CAST: variants seen among roughly 807,000 people sequenced by gnomAD.
CAST encodes the protein MIR583 host.
A neutral mutation model predicts 119.6 loss-of-function variants in CAST; 76 were observed. The ratio of observed to expected loss-of-function variants is 0.64; its 90% CI spans 0.53 to 0.77. The LOEUF (loss-of-function observed/expected upper bound fraction) is 0.77. Among genes scored for constraint, CAST ranks in the 30% least tolerant of loss-of-function variants. The probability of loss-of-function intolerance (pLI) is 0.00; values close to 1 mark genes in which losing one functional copy is unlikely to be tolerated. For synonymous variants in CAST, 319 were observed against 331.6 expected, an observed-to-expected ratio of 0.96 and a Z score of 0.41; for missense variants, 953 against 946.5, an observed-to-expected ratio of 1.01 and a Z score of -0.09.
the CAST span, among the ~76,000 whole-genome samples, chr5:96,361,623 T>C: frequency 6.6e-6 from 1 of 152,220 alleles, no homozygotes; most frequent in East Asian, 1.9e-4. Flanking sequence ...TGTGAGACGA[T>C]GCCCCACCCT....
the CAST span, among the ~76,000 whole-genome samples, chr5:96,185,908 G>A: frequency 1.3e-5 from 2 of 152,000 alleles, no homozygotes; most frequent in Non-Finnish European, 2.9e-5. Context: ...TAGTTTAAAG[G>A]GAATTGAATT....
At chr5:96,536,341 A>G (rs1042197966) in intron 1 of CAST, among the ~76,000 whole-genome samples, 1 of 152,198 alleles carries the variant, frequency 6.6e-6, no homozygotes, top group African/African-American at 2.4e-5. Flanking sequence ...CCTGGGCGAC[A>G]AGAGCAAAAC....
chr5:96,460,483 A>G, the CAST span, among the ~76,000 whole-genome samples: 2 of 152,018 alleles, frequency 1.3e-5, no homozygotes, highest in Non-Finnish European at 1.5e-5. Flanking sequence ...CACCATGCAC[A>G]TGTATACCTG....
At chr5:96,112,808 G>T in the CAST span, among the ~76,000 whole-genome samples, 2 of 152,188 alleles carry the variant, frequency 1.3e-5, no homozygotes, top group Admixed American at 6.5e-5. Context: ...AAAATCATGT[G>T]ACAACATAGT....
the CAST span, among the ~76,000 whole-genome samples, chr5:96,005,706 TA>T: frequency 1.3e-5 from 2 of 152,120 alleles, no homozygotes; most frequent in East Asian, 1.9e-4. Flanking sequence ...AAACGTGTGA[TA>T]GGGGAAACTG....
chr5:96,580,679 G>A (rs897447271), intron 1 of CAST, among the ~76,000 whole-genome samples: 5 of 152,166 alleles, frequency 3.3e-5, no homozygotes, highest in Admixed American at 1.3e-4. Context: ...TGCCTTATAC[G>A]GATCACTTCT....
chr5:96,073,081 AG>A, the CAST span, among the ~76,000 whole-genome samples: 4 of 152,364 alleles, frequency 2.6e-5, no homozygotes, highest in East Asian at 7.7e-4. Context: ...ACTTACCAAA[AG>A]TTTTTCATTT....
chr5:96,558,873 C>T (rs542959325), intron 1 of CAST, among the ~76,000 whole-genome samples: 1 of 152,208 alleles, frequency 6.6e-6, no homozygotes, highest in Non-Finnish European at 1.5e-5. Context: ...CAGCATCATC[C>T]TGATACCAAA....
the CAST span, among the ~76,000 whole-genome samples, chr5:96,254,639 T>C: frequency 1.3e-5 from 2 of 152,188 alleles, no homozygotes; most frequent in African/African-American, 4.8e-5. Context: ...TGGCTATGTA[T>C]GTACATTTTC....
At chr5:95,966,775 CCT>C in the CAST span, among the ~76,000 whole-genome samples, 1 of 152,014 alleles carries the variant, frequency 6.6e-6, no homozygotes, top group Non-Finnish European at 1.5e-5. Context: ...GCTTTTTTCC[CCT>C]CTCTCTATTC....
the CAST span, among the ~76,000 whole-genome samples, chr5:96,367,364 C>CTCAGATCTCAA: frequency 5.3e-4 from 80 of 150,750 alleles, no homozygotes; most frequent in Middle Eastern, 3.4e-3. Context: ...CAGACAGGGA[C>CTCAGATCTCAA]ATTTAAGTCT....
chr5:96,366,116 G>A, the CAST span, among the ~76,000 whole-genome samples: 1 of 152,146 alleles, frequency 6.6e-6, no homozygotes, highest in African/African-American at 2.4e-5. Context: ...TGAAATTCTG[G>A]GTTGAAAATT....
At chr5:95,993,997 T>C in the CAST span, among the ~76,000 whole-genome samples, 1 of 152,086 alleles carries the variant, frequency 6.6e-6, no homozygotes, top group Non-Finnish European at 1.5e-5. Flanking sequence ...CTAGAATGGC[T>C]AAAATTAAAA....
At chr5:96,561,786 G>GTTTTTTTTTTTTTTTTTTT in intron 1 of CAST, among the ~76,000 whole-genome samples, 1 of 105,432 alleles carries the variant, frequency 9.5e-6, no homozygotes, top group East Asian at 2.8e-4. Flanking sequence ...TTATATATAT[G>GTTTTTTTTTTTTTTTTTTT]TTTTTTTTTG....
chr5:96,364,401 G>A, the CAST span, among the ~76,000 whole-genome samples: 1 of 152,194 alleles, frequency 6.6e-6, no homozygotes, highest in Non-Finnish European at 1.5e-5. Context: ...AGTTTCAGAA[G>A]GAATGGTACC....
the CAST span, among the ~76,000 whole-genome samples, chr5:96,444,076 T>G: frequency 6.6e-6 from 1 of 152,290 alleles, no homozygotes; most frequent in African/African-American, 2.4e-5. Context: ...TTTCTTTTGG[T>G]TGAATCAGAG....
the CAST span, among the ~76,000 whole-genome samples, chr5:96,046,172 G>A: frequency 1.3e-5 from 2 of 152,028 alleles, no homozygotes; most frequent in African/African-American, 4.8e-5. Context: ...GAAGTAAGAG[G>A]GTTATCTAGT....
At chr5:96,620,288 C>CTT (rs60552077) in intron 1 of CAST, among the ~76,000 whole-genome samples, 10,418 of 134,472 alleles carry the variant, frequency 0.077, 1,094 homozygotes, top group African/African-American at 0.25. Context: ...AGTTCTTTTT[C>CTT]TTTTTTTTTT....
the CAST span, among the ~76,000 whole-genome samples, chr5:96,454,652 T>A: frequency 2.0e-5 from 3 of 152,226 alleles, no homozygotes; most frequent in African/African-American, 7.2e-5. Flanking sequence ...CCCAGTTCCC[T>A]TCCTTGGTAA....
Sources: allele counts gnomAD v4.1 joint callset (sites outside exome capture counted in the v4.1 genomes callset), GRCh38; gene constraint gnomAD v4.1.1; transcripts MANE v1.5; gene names NCBI Gene and HGNC (gene_info 2026-07-23, HGNC 2026-07-21).